Variants in NXPH2 observed in about 807,000 individuals in gnomAD.
The protein encoded by NXPH2 is neurexophilin 2, also known as neurexophilin-2.
NXPH2 carries 5 observed loss-of-function variants against 19.8 expected under a neutral mutation model. The observed-to-expected ratio is 0.25, with a 90% confidence interval of 0.13 to 0.53. The LOEUF (loss-of-function observed/expected upper bound fraction) is 0.53. Among genes scored for constraint, NXPH2 ranks in the 20% least tolerant of loss-of-function variants. The pLI, the probability that NXPH2 is intolerant of heterozygous loss-of-function variation, is 0.96. For missense variants in NXPH2, 289 were observed against 322.8 expected (o/e 0.90, Z 0.80); for synonymous variants, 154 against 127.4 (o/e 1.21, Z -1.41).
At chr2:138,744,406 G>A (rs879423916) in intron 1 of NXPH2, among the ~76,000 whole-genome samples, 4 of 151,912 alleles carry the variant, frequency 2.6e-5, no homozygotes, top group Non-Finnish European at 5.9e-5. Flanking sequence ...GTAATGCATT[G>A]TTATCTTTGG....
intron 1 of NXPH2, among the ~76,000 whole-genome samples, chr2:138,674,491 GC>G: frequency 6.6e-6 from 1 of 152,088 alleles, no homozygotes; most frequent in Middle Eastern, 3.4e-3. Context: ...TTGTTATGTT[GC>G]CCAGGCTGGT....
intron 1 of NXPH2, among the ~76,000 whole-genome samples, chr2:138,717,574 A>T (rs554887632): frequency 6.6e-6 from 1 of 151,924 alleles, no homozygotes; most frequent in Non-Finnish European, 1.5e-5. Context: ...GATGGATCTA[A>T]TCAACTCCCA....
At chr2:138,711,497 C>T (rs144909585) in intron 1 of NXPH2, among the ~76,000 whole-genome samples, 1 of 152,222 alleles carries the variant, frequency 6.6e-6, no homozygotes, top group East Asian at 1.9e-4. Flanking sequence ...CTACTTGATG[C>T]CTTGGCTATC....
intron 1 of NXPH2, among the ~76,000 whole-genome samples, chr2:138,693,229 C>A (rs1348433670): frequency 6.6e-6 from 1 of 152,172 alleles, no homozygotes; most frequent in South Asian, 2.1e-4. Flanking sequence ...AATGTAACTG[C>A]TGATCCCCCA....
At chr2:138,689,694 G>A (rs546846280) in intron 1 of NXPH2, among the ~76,000 whole-genome samples, 8 of 152,218 alleles carry the variant, frequency 5.3e-5, no homozygotes, top group East Asian at 3.9e-4. Flanking sequence ...AAATTTAGCC[G>A]TCTATTAAAT....
At chr2:138,697,498 C>A in intron 1 of NXPH2, among the ~76,000 whole-genome samples, 1 of 151,774 alleles carries the variant, frequency 6.6e-6, no homozygotes, top group Non-Finnish European at 1.5e-5. Context: ...TAAGTAAAGA[C>A]TACTTAATAA....
At chr2:138,770,776 G>A (rs1019207272) in intron 1 of NXPH2, among the ~76,000 whole-genome samples, 4 of 151,952 alleles carry the variant, frequency 2.6e-5, no homozygotes, top group Admixed American at 1.3e-4. Flanking sequence ...ACAATTGTGC[G>A]TGAGCAATAT....
At chr2:138,690,603 T>A (rs1680732750) in intron 1 of NXPH2, among the ~76,000 whole-genome samples, 1 of 150,636 alleles carries the variant, frequency 6.6e-6, no homozygotes, top group Non-Finnish European at 1.5e-5. Context: ...AAAACAAAAC[T>A]CAGAAAACTT....
chr2:138,686,760 T>G (rs1315082087), intron 1 of NXPH2, among the ~76,000 whole-genome samples: 1 of 152,112 alleles, frequency 6.6e-6, no homozygotes, highest in East Asian at 1.9e-4. Flanking sequence ...GTCCGTGTGT[T>G]CTCATTGTTC....
intron 1 of NXPH2, among the ~76,000 whole-genome samples, chr2:138,691,665 A>G (rs1680748669): frequency 6.6e-6 from 1 of 152,154 alleles, no homozygotes; most frequent in South Asian, 2.1e-4. Context: ...ACAAGGTAAG[A>G]AGTGTAATCA....
chr2:138,717,864 G>T (rs1302325239), intron 1 of NXPH2, among the ~76,000 whole-genome samples: 3 of 152,056 alleles, frequency 2.0e-5, no homozygotes, highest in Non-Finnish European at 4.4e-5. Context: ...TGCAAAACAA[G>T]TCAAGAAAGA....
chr2:138,689,730 G>C (rs1370759315), intron 1 of NXPH2, among the ~76,000 whole-genome samples: 1 of 152,190 alleles, frequency 6.6e-6, no homozygotes, highest in Non-Finnish European at 1.5e-5. Flanking sequence ...ATATCTAGCG[G>C]AATAGCCCCA....
At chr2:138,776,059 A>G (rs1682256731) in intron 1 of NXPH2, among the ~76,000 whole-genome samples, 1 of 152,108 alleles carries the variant, frequency 6.6e-6, no homozygotes, top group Admixed American at 6.5e-5. Flanking sequence ...CAAAATCACA[A>G]ACCTGTGACA....
At chr2:138,760,595 G>C (rs1681996057) in intron 1 of NXPH2, among the ~76,000 whole-genome samples, 1 of 152,166 alleles carries the variant, frequency 6.6e-6, no homozygotes, top group Admixed American at 6.6e-5. Flanking sequence ...CTTTAGGCTA[G>C]TGTTTCTCCA....
intron 1 of NXPH2, among the ~76,000 whole-genome samples, chr2:138,681,641 T>A (rs1393555447): frequency 6.6e-6 from 1 of 152,206 alleles, no homozygotes; most frequent in Non-Finnish European, 1.5e-5. Context: ...TGTGTGGATT[T>A]GCAGCAAGCC....
intron 1 of NXPH2, among the ~76,000 whole-genome samples, chr2:138,753,129 G>C (rs907331705): frequency 6.6e-6 from 1 of 152,010 alleles, no homozygotes; most frequent in Non-Finnish European, 1.5e-5. Flanking sequence ...AAACCATTTG[G>C]AATCCTTCTG....
intron 1 of NXPH2, among the ~76,000 whole-genome samples, chr2:138,736,927 T>G (rs1397710359): frequency 4.6e-5 from 7 of 152,034 alleles, no homozygotes. Context: ...ATAACAAGAG[T>G]CACCTTGGCT....
At chr2:138,696,016 A>AAAATAAAT (rs36105639) in intron 1 of NXPH2, among the ~76,000 whole-genome samples, 10 of 151,862 alleles carry the variant, frequency 6.6e-5, no homozygotes, top group African/African-American at 2.4e-4. Flanking sequence ...CCTGTCTCTA[A>AAAATAAAT]AAATAAATAA....
chr2:138,697,165 A>T (rs1315057517), intron 1 of NXPH2, among the ~76,000 whole-genome samples: 1 of 152,100 alleles, frequency 6.6e-6, no homozygotes, highest in Non-Finnish European at 1.5e-5. Context: ...GCCTTTGATC[A>T]AGGGGTTGGT....
Sources: gnomAD v4.1 joint callset for allele counts (sites outside exome capture counted in the v4.1 genomes callset) on GRCh38, gnomAD v4.1.1 for gene constraint, MANE v1.5 for transcripts, NCBI Gene and HGNC (gene_info 2026-07-23, HGNC 2026-07-21) for gene names.